CCDC191: variants seen among roughly 807,000 people sequenced by gnomAD.
CCDC191 encodes the protein coiled-coil domain containing 191.
CCDC191 carries 99 observed loss-of-function variants against 114.0 expected under a neutral mutation model. The ratio of observed to expected loss-of-function variants is 0.87; its 90% CI spans 0.74 to 1.03. The LOEUF (loss-of-function observed/expected upper bound fraction) is 1.03. CCDC191 is among the 50% of genes least tolerant of loss of function. The pLI is 0.00. For synonymous variants in CCDC191, 351 were observed against 376.0 expected (o/e 0.93, Z 0.77); for missense variants, 973 against 1,087.0 (o/e 0.90, Z 1.47).
chr3:113,966,596 T>C (rs553560839), intron 16 of CCDC191, among the ~76,000 whole-genome samples: 97 of 152,292 alleles, frequency 6.4e-4, no homozygotes, highest in Non-Finnish European at 1.1e-3. Flanking sequence ...GAGAATAGCA[T>C]GCCGTGGTGT....
intron 6 of CCDC191, among the ~76,000 whole-genome samples, chr3:114,032,072 T>C (rs2076413774): frequency 6.6e-6 from 1 of 152,136 alleles, no homozygotes; most frequent in African/African-American, 2.4e-5. Flanking sequence ...TGATCAAAAT[T>C]TGAGAGTTAA....
intron 4 of CCDC191, among the ~76,000 whole-genome samples, chr3:114,041,482 A>G (rs1366816646): frequency 6.6e-6 from 1 of 152,242 alleles, no homozygotes; most frequent in East Asian, 1.9e-4. Context: ...TATGAGAATT[A>G]GAGCCTCACA....
chr3:114,051,943 T>C (rs1024220452), intron 2 of CCDC191, among the ~76,000 whole-genome samples: 2 of 152,222 alleles, frequency 1.3e-5, no homozygotes, highest in Admixed American at 1.3e-4. Flanking sequence ...ACTATGTCAA[T>C]GTAACCTGAA....
chr3:113,970,353 G>T (rs868087840), intron 16 of CCDC191, among the ~76,000 whole-genome samples: 11 of 151,852 alleles, frequency 7.2e-5, no homozygotes, highest in South Asian at 2.1e-4. Context: ...TTAAAGACAG[G>T]GTTTCTCTGT....
In CCDC191 at chr3:114,036,640, G is replaced by A; in HGVS notation, c.562C>T (p.Pro188Ser). Residue 188 changes from proline to serine, a missense_variant, in exon 5 of 17, where the codon CCT becomes TCT. Pro to Ser is a moderately conservative substitution (Grantham distance 74). Coordinates refer to ENST00000295878, the MANE Select transcript of CCDC191 (RefSeq NM_020817.2). ...ENQDKKQQKD[P>S]RLTMEMRHKQ... ...TGTCTCATCTCCATGGTAAGACGAG[G>A]ATCCTTCTGCTGCTTCTTGTCTTGG... The A allele has an allele frequency of 6.2e-7, 1 of 1,601,786 alleles. No individual in the cohort carries two copies. The highest frequency in any genetic ancestry group is 8.5e-7 in the Non-Finnish European group (1 of 1,173,262).
intron 3 of CCDC191, among the ~76,000 whole-genome samples, chr3:114,044,929 T>A (rs1474889430): frequency 6.6e-6 from 1 of 152,186 alleles, no homozygotes; most frequent in Non-Finnish European, 1.5e-5. Flanking sequence ...ATTAGTATAG[T>A]TTATGATAGG....
intron 13 of CCDC191, 123 bp downstream of exon 13, chr3:114,001,472 G>C (rs868421303): frequency 1.5e-6 from 2 of 1,329,548 alleles, no homozygotes; most frequent in Admixed American, 2.7e-5. Flanking sequence ...ATAGAGAAAA[G>C]AAGTGAGGGT....
At chr3:114,027,122 G>A (rs1273770702) in intron 7 of CCDC191, among the ~76,000 whole-genome samples, 1 of 152,172 alleles carries the variant, frequency 6.6e-6, no homozygotes, top group Non-Finnish European at 1.5e-5. Flanking sequence ...AAGAGAAAAT[G>A]GGATAGGCTG....
intron 6 of CCDC191, 73 bp from the exon 7 acceptor site, chr3:114,031,852 G>T (rs996682115): frequency 8.7e-6 from 6 of 690,834 alleles, no homozygotes; most frequent in African/African-American, 1.8e-5. Context: ...ACCTACTGTA[G>T]CAGAATAATC....
intron 7 of CCDC191, among the ~76,000 whole-genome samples, chr3:114,030,042 G>T (rs1318911351): frequency 3.3e-5 from 5 of 152,160 alleles, no homozygotes; most frequent in Non-Finnish European, 7.4e-5. Context: ...GTATTTAATG[G>T]CAGTGTACCA....
intron 13 of CCDC191, among the ~76,000 whole-genome samples, chr3:113,981,606 A>C (rs2075153894): frequency 6.6e-6 from 1 of 152,170 alleles, no homozygotes; most frequent in South Asian, 2.1e-4. Context: ...ATAAATACAA[A>C]AACATTTAAT....
intron 16 of CCDC191, among the ~76,000 whole-genome samples, chr3:113,970,479 C>G (rs1940687701): frequency 6.6e-6 from 1 of 152,116 alleles, no homozygotes; most frequent in South Asian, 2.1e-4. Flanking sequence ...TTATTTTTTT[C>G]TCTTGTCTAA....
rs553776636 is a variant in CCDC191, at chr3:114,053,380, C to T, written c.129+217G>A. 1.3e-4 allele frequency among the ~76,000 whole-genome samples: 20 copies of T among 152,250 alleles called. No homozygotes were observed. The South Asian group carries it at 4.1e-3, about 32-fold the overall frequency. On this transcript the variant is annotated intron_variant, in intron 2 of 16. Transcript: ENST00000295878. ...TGGCATTTGAAACGAAGTCTACACA[C>T]CTGTTTTCTTGTCATTCCTACTTAA...
At chr3:114,009,363 T>C (rs189867706) in intron 9 of CCDC191, among the ~76,000 whole-genome samples, 4 of 152,274 alleles carry the variant, frequency 2.6e-5, no homozygotes, top group Admixed American at 2.6e-4. Context: ...AACACAAACA[T>C]TGCACAGCTG....
At chr3:114,011,094 ATAAG>A in intron 8 of CCDC191, 73 bp from the exon 9 acceptor site, 1 of 1,485,070 alleles carries the variant, frequency 6.7e-7, no homozygotes, top group Non-Finnish European at 9.0e-7. Context: ...TAAATGAAAC[ATAAG>A]TCCAAAAGGG....
At chr3:114,003,533 CCTTTGCCCATCTTT>C in intron 11 of CCDC191, 1 of 985,252 alleles carries the variant, frequency 1.0e-6, no homozygotes, top group Non-Finnish European at 1.2e-6. Flanking sequence ...GGTAATATGC[CCTTTGCCCATCTTT>C]TCTAGATCTA....
At chr3:113,996,352 T>C (rs2075722577) in intron 13 of CCDC191, among the ~76,000 whole-genome samples, 3 of 152,216 alleles carry the variant, frequency 2.0e-5, no homozygotes, top group Admixed American at 6.5e-5. Context: ...CCAGCACCAT[T>C]TATTAAATAG....
intron 3 of CCDC191, among the ~76,000 whole-genome samples, chr3:114,045,416 G>C (rs1265341122): frequency 1.3e-5 from 2 of 151,942 alleles, no homozygotes; most frequent in African/African-American, 4.8e-5. Flanking sequence ...CTGTCACCCA[G>C]GCTGGAGTGC....
chr3:114,041,900 C>T (rs2076566613), intron 4 of CCDC191, among the ~76,000 whole-genome samples: 1 of 151,770 alleles, frequency 6.6e-6, no homozygotes, highest in Non-Finnish European at 1.5e-5. Context: ...TTTTTCTCTC[C>T]TCTGGAAAAA....
Sources: gnomAD v4.1 joint callset for allele counts (sites outside exome capture counted in the v4.1 genomes callset) on GRCh38, gnomAD v4.1.1 for gene constraint, MANE v1.5 for transcripts, NCBI Gene and HGNC (gene_info 2026-07-23, HGNC 2026-07-21) for gene names.